The following LARS2 variants were observed in gnomAD, a reference collection of about 807,000 sequenced individuals.
LARS2 encodes the protein leucyl-tRNA synthetase 2, mitochondrial.
LARS2 carries 81 observed loss-of-function variants against 116.6 expected under a neutral mutation model. The ratio of observed to expected loss-of-function variants is 0.69; its 90% confidence interval spans 0.58 to 0.84. The LOEUF is 0.84. Ranked by LOEUF, LARS2 falls within the 40% of genes least tolerant of loss-of-function variation. The pLI, the probability that LARS2 is intolerant of heterozygous loss-of-function variation, is 0.00. For synonymous variants in LARS2, 396 were observed against 407.2 expected (o/e 0.97, Z 0.33); for missense variants, 968 against 1,114.5 (o/e 0.87, Z 1.87).
At chr3:45,398,568 G>A (rs867420614) in intron 3 of LARS2, among the ~76,000 whole-genome samples, 32 of 152,306 alleles carry the variant, frequency 2.1e-4, no homozygotes, top group Middle Eastern at 3.4e-3. Flanking sequence ...CCTTAGTGAC[G>A]AAACAGAATC....
intron 3 of LARS2, among the ~76,000 whole-genome samples, chr3:45,399,646 T>C (rs900627588): frequency 3.9e-5 from 6 of 152,180 alleles, no homozygotes; most frequent in East Asian, 1.9e-4. Flanking sequence ...TTCTTTCTTT[T>C]TTTTTTCCAT....
chr3:45,518,128 C>T, intron 18 of LARS2, 56 bp downstream of exon 18: 1 of 1,449,676 alleles, frequency 6.9e-7, no homozygotes, highest in South Asian at 1.3e-5. Context: ...TCTTTGGGAA[C>T]CTTTGCCTGT....
intron 10 of LARS2, among the ~76,000 whole-genome samples, chr3:45,484,280 A>G (rs1348282480): frequency 6.6e-6 from 1 of 152,076 alleles, no homozygotes; most frequent in Non-Finnish European, 1.5e-5. Flanking sequence ...GTAAGAATTC[A>G]TAAGTTATAA....
intron 11 of LARS2, 72 bp from the exon 12 acceptor site, chr3:45,488,625 T>A (rs1359009517): frequency 2.1e-5 from 18 of 865,098 alleles, no homozygotes; most frequent in Non-Finnish European, 3.4e-5. Context: ...AACCTGGGTG[T>A]CAGTACTGTC....
At chr3:45,483,076 C>T (rs1699734096) in intron 10 of LARS2, among the ~76,000 whole-genome samples, 2 of 152,228 alleles carry the variant, frequency 1.3e-5, no homozygotes, top group Admixed American at 6.5e-5. Flanking sequence ...GCTAAACACA[C>T]TAGCCATGTG....
intron 3 of LARS2, among the ~76,000 whole-genome samples, chr3:45,395,037 A>C (rs1347428777): frequency 6.6e-6 from 1 of 152,224 alleles, no homozygotes; most frequent in Non-Finnish European, 1.5e-5. Flanking sequence ...GGGGAAGCTC[A>C]TCAAAATAGG....
At chr3:45,430,003 CTTTTTTTTTT>C (rs66989698) in intron 6 of LARS2, among the ~76,000 whole-genome samples, 45 of 56,954 alleles carry the variant, frequency 7.9e-4, no homozygotes, top group African/African-American at 3.1e-3. Flanking sequence ...TGCCCAGCCT[CTTTTTTTTTT>C]TTTTTTTTTT....
chr3:45,476,578 G>C lies in LARS2; in HGVS notation c.969G>C (p.Gly323=). 1 of 1,614,138 alleles carries C rather than the reference G, an allele frequency of 6.2e-7. No individual in the cohort carries two copies. The highest frequency in any genetic ancestry group is 8.5e-7 in the Non-Finnish European group (1 of 1,180,018). The change falls in exon 10 of 22, where the codon GGG becomes GGC. Residue 323 remains glycine (G), a synonymous_variant. Transcript: ENST00000645846. ...AISPSHRLLH[G]HSSLKEALRM... is the part of the protein sequence containing the mutation. The stretch of plus-strand genomic sequence containing the variant: ...CGCCCAGCCACAGACTCCTACATGG[G>C]CACAGCTCTCTGAAGGAAGCCTTGA...
rs758823074 is a variant in LARS2 at position 45,513,215 on chromosome 3, G to A, written c.1841G>A (p.Arg614Lys). The A allele has an allele frequency of 1.1e-5, 17 of 1,611,234 alleles. No homozygotes were observed. In the East Asian group the frequency reaches 3.6e-4, roughly 34 times the overall value. The change falls in exon 16 of 22, where the codon AGA (arginine) becomes AAA (lysine). Residue 614 changes from arginine (R) to lysine (K), a missense_variant. Coordinates refer to ENST00000645846, the MANE Select transcript of LARS2 (RefSeq NM_015340.4). ...CTACCATCTGGACAGTATCTACAGA[G>A]AGAGGAAGTGGATCTCACAGGTAAG... is the stretch of plus-strand genomic sequence containing the variant. The part of the protein sequence containing the change: ...FRLPSGQYLQ[R>K]EEVDLTGSVP...
intron 1 of LARS2, chr3:45,388,980 C>G (rs1697892561): frequency 6.6e-6 from 1 of 152,198 alleles, no homozygotes; most frequent in Admixed American, 6.5e-5. Flanking sequence ...GCTCCCCGGA[C>G]TAGGGGTTTG....
chr3:45,513,414 C>T (rs1470570129), intron 16 of LARS2, among the ~76,000 whole-genome samples, 179 bp downstream of exon 16: 1 of 152,234 alleles, frequency 6.6e-6, no homozygotes, highest in Non-Finnish European at 1.5e-5. Flanking sequence ...GAAGCCTGGT[C>T]CTGGACTGGC....
At chr3:45,403,649 C>T (rs1305215803) in intron 4 of LARS2, among the ~76,000 whole-genome samples, 1 of 152,058 alleles carries the variant, frequency 6.6e-6, no homozygotes, top group Non-Finnish European at 1.5e-5. Context: ...GGTTGAGGGG[C>T]TTGTAGGTGG....
At chr3:45,536,148 G>T (rs1700701922) in intron 20 of LARS2, among the ~76,000 whole-genome samples, 1 of 36,870 alleles carries the variant, frequency 2.7e-5, no homozygotes. Flanking sequence ...TTGAGACAGG[G>T]TCTCACTCTG....
chr3:45,418,571 G>A (rs1318953962), intron 5 of LARS2, among the ~76,000 whole-genome samples: 1 of 152,138 alleles, frequency 6.6e-6, no homozygotes, highest in Admixed American at 6.5e-5. Flanking sequence ...GCTAAATCTG[G>A]CCCTACCTGT....
intron 20 of LARS2, among the ~76,000 whole-genome samples, chr3:45,532,378 C>T (rs1240917539): frequency 6.6e-6 from 1 of 151,968 alleles, no homozygotes; most frequent in Non-Finnish European, 1.5e-5. Context: ...TCCCTTTTGC[C>T]CTTTAGATAT....
intron 6 of LARS2, chr3:45,421,363 A>C (rs546564772): frequency 1.3e-5 from 2 of 152,146 alleles, no homozygotes; most frequent in Non-Finnish European, 2.9e-5. Context: ...TAAATGCACT[A>C]TTTTCTTTTA....
chr3:45,431,201 G>A (rs1698706851), intron 6 of LARS2, among the ~76,000 whole-genome samples: 1 of 152,150 alleles, frequency 6.6e-6, no homozygotes, highest in Non-Finnish European at 1.5e-5. Flanking sequence ...CAGCCCCTTG[G>A]TCTTGGTTTC....
At chr3:45,495,072 TAAAAA>T (rs973746744) in intron 13 of LARS2, among the ~76,000 whole-genome samples, 6 of 151,916 alleles carry the variant, frequency 3.9e-5, no homozygotes, top group Non-Finnish European at 8.8e-5. Flanking sequence ...CATCTCAAAA[TAAAAA>T]TAATGAGTGT....
chr3:45,476,765 T>A, intron 10 of LARS2, 138 bp downstream of exon 10: 1 of 812,472 alleles, frequency 1.2e-6, no homozygotes, highest in Non-Finnish European at 1.9e-6. Context: ...TTTATGTTTT[T>A]ATTTTGAAAC....
Sources: gnomAD v4.1 joint callset for allele counts (sites outside exome capture counted in the v4.1 genomes callset) on GRCh38, gnomAD v4.1.1 for gene constraint, MANE v1.5 for transcripts, NCBI Gene and HGNC (gene_info 2026-07-23, HGNC 2026-07-21) for gene names.